The following PLD5 variants were observed in gnomAD, a reference collection of about 807,000 sequenced individuals.
PLD5 encodes the protein inactive phospholipase D5.
A neutral mutation model predicts 61.1 loss-of-function variants in PLD5; 36 were observed. The observed-to-expected ratio is 0.59, with a 90% CI of 0.45 to 0.78. The LOEUF is 0.78. PLD5 is among the 30% of genes least tolerant of loss of function. The pLI, the probability that PLD5 is intolerant of heterozygous loss-of-function variation, is 0.00. For missense variants in PLD5, 515 were observed against 644.4 expected (o/e 0.80, Z 2.17); for synonymous variants, 243 against 242.8 (o/e 1.00, Z -0.01).
intron 2 of PLD5, among the ~76,000 whole-genome samples, chr1:242,305,561 ATTTT>A (rs371470398): frequency 1.3e-5 from 2 of 149,454 alleles, no homozygotes; most frequent in African/African-American, 2.5e-5. Flanking sequence ...TCCATTTCTT[ATTTT>A]TTTTTCTTTT....
At chr1:242,298,478 T>C (rs577985800) in intron 2 of PLD5, among the ~76,000 whole-genome samples, 2 of 152,320 alleles carry the variant, frequency 1.3e-5, no homozygotes, top group South Asian at 4.1e-4. Context: ...CTAGAGAGAA[T>C]GCCACTGAGC....
intron 2 of PLD5, among the ~76,000 whole-genome samples, chr1:242,291,409 C>T (rs1038179940): frequency 5.9e-5 from 9 of 152,148 alleles, no homozygotes; most frequent in East Asian, 5.8e-4. Flanking sequence ...CAGTGCCTAA[C>T]GTAACTATAT....
chr1:242,495,953 C>A (rs1668355660), intron 1 of PLD5, among the ~76,000 whole-genome samples: 1 of 152,204 alleles, frequency 6.6e-6, no homozygotes, highest in Non-Finnish European at 1.5e-5. Context: ...AATTATATAA[C>A]CATAACACCC....
intron 1 of PLD5, among the ~76,000 whole-genome samples, chr1:242,394,525 T>A (rs201762384): frequency 0.1 from 4,696 of 45,322 alleles, 925 homozygotes; most frequent in Admixed American, 0.16. Flanking sequence ...CATATATATG[T>A]GTATATATGT....
intron 1 of PLD5, among the ~76,000 whole-genome samples, chr1:242,468,975 TGAGCAGTGAAGC>T (rs2102946466): frequency 6.6e-6 from 1 of 152,236 alleles, no homozygotes; most frequent in East Asian, 1.9e-4. Flanking sequence ...ATACAGCTAG[TGAGCAGTGAAGC>T]CGTGATTCAG....
intron 1 of PLD5, among the ~76,000 whole-genome samples, chr1:242,490,526 A>G (rs547964953): frequency 6.6e-6 from 1 of 152,340 alleles, no homozygotes; most frequent in South Asian, 2.1e-4. Flanking sequence ...TTTTCTTAAT[A>G]ACATATATTT....
At chr1:242,243,930 C>T (rs1574598064) in intron 4 of PLD5, among the ~76,000 whole-genome samples, 2 of 152,110 alleles carry the variant, frequency 1.3e-5, no homozygotes, top group Admixed American at 6.5e-5. Flanking sequence ...CTCAAAAACA[C>T]GGTAGTTTTG....
rs766012997 is a variant in PLD5, at chr1:242,256,794, CTAT to C, written c.607+8540_607+8542del. On this transcript the variant is annotated intron_variant, in intron 4 of 9. Transcript: ENST00000536534. The surrounding 1 kb of genome is among the most constrained non-coding windows in gnomAD (Gnocchi z 5.7). The stretch of plus-strand genomic sequence containing the variant: ...TCTATCTATCTATCTATCTATCTAT[CTAT>C]TAATATCTATCTTTCTATGTATCTG... Among the ~76,000 whole-genome samples, 330 of 136,256 alleles carry C rather than the reference CTAT, an allele frequency of 2.4e-3. No individual in the cohort carries two copies. The highest frequency in any genetic ancestry group is 3.8e-3 in the Non-Finnish European group (241 of 63,108). The allele number at this position is 136,256 out of a possible 152,430, so 89.4% of individuals were successfully genotyped here. A position where few individuals can be genotyped will look rare whatever the true frequency, so the allele number is the denominator to read the frequency against.
At chr1:242,159,511 CT>C (rs1270615269) in intron 5 of PLD5, among the ~76,000 whole-genome samples, 9 of 152,230 alleles carry the variant, frequency 5.9e-5, no homozygotes, top group African/African-American at 1.9e-4. Flanking sequence ...TCTGATTAAG[CT>C]TTACTGTTAG....
intron 1 of PLD5, among the ~76,000 whole-genome samples, chr1:242,360,454 T>C (rs116385925): frequency 4.4e-4 from 67 of 152,236 alleles, no homozygotes; most frequent in African/African-American, 1.5e-3. Context: ...ATGATATTCA[T>C]TGTTTCTATA....
intron 2 of PLD5, chr1:242,345,785 G>A: frequency 1.9e-6 from 1 of 531,836 alleles, no homozygotes; most frequent in Non-Finnish European, 3.5e-6. Flanking sequence ...ACTGGATTAG[G>A]GTATAAGGAA....
chr1:242,342,844 C>A (rs12566418), intron 2 of PLD5, among the ~76,000 whole-genome samples: 11,708 of 151,884 alleles, frequency 0.077, 583 homozygotes, highest in East Asian at 0.23. Flanking sequence ...AAGTTTAGAG[C>A]CTTTGATATT....
At chr1:242,190,145 T>C (rs1668162508) in intron 5 of PLD5, among the ~76,000 whole-genome samples, 1 of 130,744 alleles carries the variant, frequency 7.6e-6, no homozygotes, top group South Asian at 2.9e-4. Context: ...CTCCTTTTTT[T>C]TTTTTTTTTT....
intron 3 of PLD5, among the ~76,000 whole-genome samples, chr1:242,274,732 G>C (rs548618765): frequency 6.9e-4 from 105 of 151,950 alleles, no homozygotes; most frequent in African/African-American, 2.4e-3. Context: ...CCAGCCTGGG[G>C]GACAGAGCAA....
intron 1 of PLD5, among the ~76,000 whole-genome samples, chr1:242,515,672 T>C (rs1007911860): frequency 1.3e-5 from 2 of 152,224 alleles, no homozygotes; most frequent in African/African-American, 2.4e-5. Context: ...ACTGTATGGA[T>C]AGACTACAAT....
At chr1:242,302,461 T>C (rs1676111479) in intron 2 of PLD5, among the ~76,000 whole-genome samples, 1 of 152,198 alleles carries the variant, frequency 6.6e-6, no homozygotes, top group Non-Finnish European at 1.5e-5. Context: ...CTCACACCTG[T>C]AATCCAAGCA....
At chr1:242,473,129 C>A (rs997572206) in intron 1 of PLD5, among the ~76,000 whole-genome samples, 3 of 152,066 alleles carry the variant, frequency 2.0e-5, no homozygotes, top group African/African-American at 7.2e-5. Flanking sequence ...TTAATCAGAG[C>A]CCCCAAAGGA....
At position 242,284,223 on chromosome 1, in the gene PLD5, C is replaced by T. The variant is rs558455823; in HGVS notation, c.495+4139G>A. 6.0e-5 allele frequency among the ~76,000 whole-genome samples: 9 copies of T among 149,698 alleles called. No individual in the cohort carries two copies. In the South Asian group the frequency reaches 8.5e-4, roughly 14 times the overall value. ...CTCAATCTCAGCTCACTGCAGCCTC[C>T]GCCTCCCGGGTTCCAGCAATTGTTC... On this transcript the variant is annotated intron_variant, in intron 3 of 9. Coordinates refer to ENST00000536534, the MANE Select transcript of PLD5 (RefSeq NM_001372062.1).
intron 5 of PLD5, among the ~76,000 whole-genome samples, chr1:242,137,900 T>C (rs1247400270): frequency 1.3e-5 from 2 of 152,212 alleles, no homozygotes; most frequent in Non-Finnish European, 2.9e-5. Context: ...CTCATTTGGA[T>C]TGAAAATGAA....
Sources: gnomAD v4.1 joint callset for allele counts (sites outside exome capture counted in the v4.1 genomes callset) on GRCh38, gnomAD v4.1.1 for gene constraint, Gnocchi (gnomAD v3.1) non-coding constraint, MANE v1.5 for transcripts, NCBI Gene and HGNC (gene_info 2026-07-23, HGNC 2026-07-21) for gene names.